SLC6A2: variants seen among roughly 807,000 people sequenced by gnomAD.
SLC6A2 encodes the protein solute carrier family 6 member 2, also known as sodium-dependent noradrenaline transporter.
Under a neutral mutation model 71.7 loss-of-function variants are expected in SLC6A2, and 26 were observed. That is an observed-to-expected ratio of 0.36 (90% CI 0.27 to 0.50). The LOEUF is 0.50. SLC6A2 is among the 20% of genes least tolerant of loss of function. The probability of loss-of-function intolerance (pLI) is 0.96; values close to 1 mark genes in which losing one functional copy is unlikely to be tolerated. For missense variants in SLC6A2, 581 were observed against 803.9 expected (o/e 0.72, Z 3.35); for synonymous variants, 363 against 337.9 (o/e 1.07, Z -0.82).
intron 2 of SLC6A2, among the ~76,000 whole-genome samples, chr16:55,663,711 GT>G (rs1277917815): frequency 4.6e-5 from 7 of 152,236 alleles, no homozygotes; most frequent in Non-Finnish European, 1.0e-4. Context: ...AATAGCCCTT[GT>G]TGTAACATTG....
At chr16:55,673,382 T>C (rs1964984194) in intron 4 of SLC6A2, among the ~76,000 whole-genome samples, 1 of 152,112 alleles carries the variant, frequency 6.6e-6, no homozygotes, top group African/African-American at 2.4e-5. Flanking sequence ...GAGAGTTATT[T>C]TCCTTTTTTA....
chr16:55,680,234 G>T (rs1478552708), intron 4 of SLC6A2, among the ~76,000 whole-genome samples: 1 of 152,200 alleles, frequency 6.6e-6, no homozygotes, highest in Non-Finnish European at 1.5e-5. Context: ...GAGGCAGAGA[G>T]ACTGGGTTTG....
chr16:55,672,222 G>A (rs749336187), intron 4 of SLC6A2, 47 bp downstream of exon 4: 1 of 1,614,094 alleles, frequency 6.2e-7, no homozygotes, highest in Non-Finnish European at 8.5e-7. Context: ...CCAGTGCTTG[G>A]TATGACCTGA....
At position 55,703,687 on chromosome 16, in the gene SLC6A2, A is replaced by G. The variant is rs1390153484; in HGVS notation, c.*1341A>G. ...GGGAGGGGTTTCTGTTTATGGTTAG[A>G]GTCTCTTACACCCTTGTTGGAGGGA... On this transcript the variant is annotated 3_prime_UTR_variant, in exon 15 of 15. Coordinates refer to ENST00000568943, the MANE Select transcript of SLC6A2 (RefSeq NM_001172501.3). 1 of 985,248 alleles carries G rather than the reference A, an allele frequency of 1.0e-6. No homozygotes were observed. Among genetic ancestry groups the G allele is most frequent in the East Asian group, 1.1e-4 (1 of 8,822 alleles). The allele number at this position is 985,248 out of a possible 1,614,324, so 61.0% of individuals were successfully genotyped here.
In SLC6A2 at chr16:55,699,690, G is replaced by C. The variant is rs773467201; in HGVS notation, c.1590+36G>C. 4.1e-6 allele frequency: 6 copies of C among 1,447,954 alleles called. No individual in the cohort carries two copies. The African/African-American group carries it at 8.4e-5, about 20-fold the overall frequency. 89.7% of individuals were successfully genotyped at this position (1,447,954 alleles called of 1,614,324 possible). On this transcript the variant is annotated intron_variant, in intron 12 of 14. Transcript: ENST00000568943. Reference sequence around the variant, plus strand: ...TCTGCAGGGAAGTCCTGCATGTGGGGAGGGGGCTGTGTCCAGGATGGAGCT... The same window carrying C: ...TCTGCAGGGAAGTCCTGCATGTGGGCAGGGGGCTGTGTCCAGGATGGAGCT...
rs775913156 is a variant in SLC6A2 at position 55,656,740 on chromosome 16, G to A, written c.46G>A (p.Gly16Arg). 1 of 1,613,018 alleles carries A rather than the reference G, an allele frequency of 6.2e-7. No homozygotes were observed. The highest frequency in any genetic ancestry group is 1.7e-5 in the Admixed American group (1 of 60,024). Residue 16 changes from glycine (G) to arginine (R), a missense_variant, in exon 2 of 15, where the codon GGG becomes AGG. By Grantham distance (125) the Gly-to-Arg change is moderately radical. Transcript: ENST00000568943. The surrounding 1 kb of genome is among the most constrained non-coding windows in gnomAD (Gnocchi z 4.5). ...MNPQVQPENN[G>R]ADTGPEQPLR... The stretch of plus-strand genomic sequence containing the variant: ...CCCGCAGGTGCAGCCCGAGAACAAC[G>A]GGGCGGACACGGGTCCAGAGCAGCC...
intron 9 of SLC6A2, among the ~76,000 whole-genome samples, chr16:55,697,510 C>G (rs1347797995): frequency 6.6e-6 from 1 of 152,214 alleles, no homozygotes; most frequent in African/African-American, 2.4e-5. Flanking sequence ...AGAAGCTCTT[C>G]TGCAGGAGTT....
At chr16:55,692,119 A>G (rs1965653009) in intron 6 of SLC6A2, 67 bp downstream of exon 6, 2 of 1,575,798 alleles carry the variant, frequency 1.3e-6, no homozygotes, top group East Asian at 2.2e-5. Flanking sequence ...GAAGGTGATG[A>G]TGGAAAATCT....
chr16:55,687,581 G>A (rs1965495208), intron 5 of SLC6A2, among the ~76,000 whole-genome samples: 1 of 152,172 alleles, frequency 6.6e-6, no homozygotes, highest in African/African-American at 2.4e-5. Flanking sequence ...TGCCTTTCCT[G>A]GGTACCAGGA....
intron 5 of SLC6A2, among the ~76,000 whole-genome samples, chr16:55,691,494 TCAC>T (rs1253611302): frequency 6.6e-6 from 1 of 152,168 alleles, no homozygotes; most frequent in African/African-American, 2.4e-5. Context: ...GACAGGTACC[TCAC>T]CACCTCTCTA....
Position 55,705,229 on chromosome 16 carries a change from A to G in SLC6A2, c.*2883A>G. On this transcript the variant is annotated 3_prime_UTR_variant, in exon 15 of 15. Coordinates refer to ENST00000568943, the MANE Select transcript of SLC6A2 (RefSeq NM_001172501.3). ...CTTTCATTCTAGATGAAAACGAGAC[A>G]AGGGAGAAGGAGAGCTACCAACTCT... The G allele has an allele frequency of 1.3e-6, 2 of 1,536,300 alleles. No homozygotes were observed. Among genetic ancestry groups the G allele is most frequent in the Non-Finnish European group, 1.7e-6 (2 of 1,146,698 alleles).
At chr16:55,687,121 ATG>A (rs1336633587) in intron 5 of SLC6A2, among the ~76,000 whole-genome samples, 1 of 1,348 alleles carries the variant, frequency 7.4e-4, no homozygotes, top group African/African-American at 2.4e-3. Context: ...CAGAGAACAT[ATG>A]TGTGTGTCCC....
At chr16:55,689,238 C>T (rs565866552) in intron 5 of SLC6A2, among the ~76,000 whole-genome samples, 7 of 152,210 alleles carry the variant, frequency 4.6e-5, no homozygotes, top group Admixed American at 2.6e-4. Flanking sequence ...AGGAATCCTT[C>T]TTTCAACACA....
chr16:55,697,765 C>T, intron 9 of SLC6A2, 132 bp from the exon 10 acceptor site: 1 of 876,724 alleles, frequency 1.1e-6, no homozygotes, highest in Non-Finnish European at 1.8e-6. Context: ...GCAGGACGTG[C>T]TGATTTCTCG....
chr16:55,696,186 G>T (rs1325755207), intron 8 of SLC6A2, 39 bp from the exon 9 acceptor site: 13 of 1,251,974 alleles, frequency 1.0e-5, no homozygotes, highest in African/African-American at 2.9e-5. Flanking sequence ...TCAGACCAAT[G>T]GTTTCAGCCA....
chr16:55,693,609 G>T (rs1965705031), intron 6 of SLC6A2, among the ~76,000 whole-genome samples: 1 of 152,222 alleles, frequency 6.6e-6, no homozygotes, highest in South Asian at 2.1e-4. Context: ...GCTTGTAGAA[G>T]CCTCCTAGGA....
chr16:55,680,088 C>T (rs1282692229), intron 4 of SLC6A2, among the ~76,000 whole-genome samples: 4 of 152,178 alleles, frequency 2.6e-5, no homozygotes, highest in African/African-American at 9.6e-5. Context: ...GGCAAAGTTG[C>T]CTCCAGTGAG....
chr16:55,666,212 TG>T (rs1389027914), intron 2 of SLC6A2, among the ~76,000 whole-genome samples: 1 of 152,194 alleles, frequency 6.6e-6, no homozygotes, highest in Non-Finnish European at 1.5e-5. Context: ...TGTGTGAGGC[TG>T]GTTGCAGCTG....
chr16:55,697,807 G>A, intron 9 of SLC6A2, 90 bp from the exon 10 acceptor site: 1 of 1,433,258 alleles, frequency 7.0e-7, no homozygotes, highest in Non-Finnish European at 9.7e-7. Context: ...TGAGTCCTGG[G>A]CTGCAGGAGG....
Sources: gnomAD v4.1 joint callset for allele counts (sites outside exome capture counted in the v4.1 genomes callset) on GRCh38, gnomAD v4.1.1 for gene constraint, Gnocchi (gnomAD v3.1) non-coding constraint, MANE v1.5 for transcripts, NCBI Gene and HGNC (gene_info 2026-07-23, HGNC 2026-07-21) for gene names.